The following PDGFD variants were observed in gnomAD, a reference collection of about 807,000 sequenced individuals.
PDGFD encodes platelet-derived growth factor D.
Under a neutral mutation model 44.7 loss-of-function variants are expected in PDGFD, and 30 were observed. The observed-to-expected ratio is 0.67, with a 90% CI of 0.50 to 0.91. PDGFD has a LOEUF of 0.91. PDGFD is among the 40% of genes least tolerant of loss of function. The pLI, the probability that PDGFD is intolerant of heterozygous loss-of-function variation, is 0.00. For missense variants in PDGFD, 445 were observed against 457.8 expected, an observed-to-expected ratio of 0.97 and a Z score of 0.25; for synonymous variants, 173 against 168.4, an observed-to-expected ratio of 1.03 and a Z score of -0.21.
chr11:103,930,902 T>C (rs1234119531), intron 5 of PDGFD, among the ~76,000 whole-genome samples: 1 of 152,256 alleles, frequency 6.6e-6, no homozygotes, highest in Admixed American at 6.5e-5. Flanking sequence ...TTTGGTATTG[T>C]GATAAAACAT....
chr11:103,928,680 CTG>C (rs1858355085), intron 5 of PDGFD, among the ~76,000 whole-genome samples: 1 of 152,180 alleles, frequency 6.6e-6, no homozygotes, highest in Non-Finnish European at 1.5e-5. Flanking sequence ...CAAATAATCA[CTG>C]TGCATAATTT....
intron 3 of PDGFD, among the ~76,000 whole-genome samples, chr11:103,973,349 G>C (rs113765111): frequency 2.0e-5 from 3 of 149,708 alleles, no homozygotes; most frequent in African/African-American, 7.4e-5. Flanking sequence ...AGGTTTCACC[G>C]TGTTAGCCGG....
chr11:104,162,815 T>C (rs1301773270), intron 1 of PDGFD, among the ~76,000 whole-genome samples: 1 of 152,190 alleles, frequency 6.6e-6, no homozygotes, highest in Non-Finnish European at 1.5e-5. Context: ...CTTGATGGTC[T>C]CCTTGGGAGA....
intron 6 of PDGFD, among the ~76,000 whole-genome samples, chr11:103,925,403 A>G (rs1565285808): frequency 2.0e-5 from 3 of 151,794 alleles, no homozygotes; most frequent in African/African-American, 7.3e-5. Context: ...ATTTTAGTTT[A>G]TATTTTAAAA....
intron 1 of PDGFD, among the ~76,000 whole-genome samples, chr11:104,043,662 C>T (rs1860394885): frequency 6.6e-6 from 1 of 152,144 alleles, no homozygotes; most frequent in South Asian, 2.1e-4. Flanking sequence ...AAGCATGACA[C>T]CAGCATCTGC....
rs1280970183 is a variant in PDGFD at position 103,909,528 on chromosome 11, A to G, written c.*166T>C. On this transcript the variant is annotated 3_prime_UTR_variant, in exon 7 of 7. Coordinates refer to ENST00000393158, the MANE Select transcript of PDGFD (RefSeq NM_025208.5). ...ATAGAAGTTGATGATATACCTTTCTACTTGCCATGGCATTAACAAAGCAAG... is the reference window on the plus strand; with the variant it reads ...ATAGAAGTTGATGATATACCTTTCTGCTTGCCATGGCATTAACAAAGCAAG... The G allele has an allele frequency of 1.0e-5, 8 of 768,388 alleles. No individual in the cohort carries two copies. The East Asian group carries it at 1.8e-4, about 17-fold the overall frequency. 47.6% of individuals were successfully genotyped at this position (768,388 alleles called of 1,614,324 possible).
At chr11:104,049,793 C>G (rs1248503376) in intron 1 of PDGFD, among the ~76,000 whole-genome samples, 2 of 152,080 alleles carry the variant, frequency 1.3e-5, no homozygotes, top group African/African-American at 2.4e-5. Context: ...AGGATGAGGT[C>G]TGAGAATTGA....
chr11:104,121,165 T>C (rs1272951075), intron 1 of PDGFD, among the ~76,000 whole-genome samples: 1 of 152,020 alleles, frequency 6.6e-6, no homozygotes, highest in Non-Finnish European at 1.5e-5. Context: ...CCAAACGAAT[T>C]AGATTTTAAA....
chr11:103,955,162 TCAAAAAAAAAAAAAAAAAAAAAAAAAAAA>T (rs1565294186), intron 3 of PDGFD, among the ~76,000 whole-genome samples: 4 of 37,104 alleles, frequency 1.1e-4, no homozygotes, highest in Admixed American at 1.1e-3. Flanking sequence ...AGACTCCGTC[TCAAAAAAAAAAAAAAAAAAAAAAAAAAAA>T]AAAAAAAAAA....
At chr11:104,018,972 C>A (rs757039489) in intron 1 of PDGFD, among the ~76,000 whole-genome samples, 1 of 152,176 alleles carries the variant, frequency 6.6e-6, no homozygotes, top group Non-Finnish European at 1.5e-5. Context: ...GCTCCAAGCA[C>A]TTCCCTGCCT....
At chr11:104,095,946 C>G (rs931167096) in intron 1 of PDGFD, among the ~76,000 whole-genome samples, 2 of 152,102 alleles carry the variant, frequency 1.3e-5, no homozygotes, top group African/African-American at 4.8e-5. Context: ...TATTCCACAG[C>G]CTGTACTTTG....
At chr11:104,080,317 A>T (rs1861027684) in intron 1 of PDGFD, among the ~76,000 whole-genome samples, 1 of 152,178 alleles carries the variant, frequency 6.6e-6, no homozygotes. Context: ...TAAATAAATG[A>T]TGCTAAGAAA....
intron 3 of PDGFD, among the ~76,000 whole-genome samples, chr11:103,965,357 T>C (rs1859001861): frequency 6.6e-6 from 1 of 152,154 alleles, no homozygotes; most frequent in Non-Finnish European, 1.5e-5. Flanking sequence ...ACGTTAGAGG[T>C]CATCTCGTTA....
intron 3 of PDGFD, among the ~76,000 whole-genome samples, chr11:103,959,841 T>C (rs964106140): frequency 2.6e-5 from 4 of 152,212 alleles, no homozygotes; most frequent in Non-Finnish European, 5.9e-5. Flanking sequence ...CAACTTGAAG[T>C]CTTCTCCTCC....
chr11:104,068,650 G>A (rs1860828196), intron 1 of PDGFD, among the ~76,000 whole-genome samples: 1 of 152,138 alleles, frequency 6.6e-6, no homozygotes, highest in African/African-American at 2.4e-5. Context: ...CATTAAAGAT[G>A]TTAATGAGCA....
At chr11:104,041,482 A>C (rs1406992535) in intron 1 of PDGFD, among the ~76,000 whole-genome samples, 1 of 151,024 alleles carries the variant, frequency 6.6e-6, no homozygotes, top group East Asian at 1.9e-4. Flanking sequence ...TTGGAAATTT[A>C]CTACGTGAAA....
rs1857984628 is a variant in PDGFD at position 103,908,980 on chromosome 11, C to T, written c.*714G>A. On this transcript the variant is annotated 3_prime_UTR_variant, in exon 7 of 7. Transcript: ENST00000393158. ...GATAGGTGTTAAATGAATAAGCATG[C>T]CTCAGCAAAATGCATAAAAAACACA... 1 of 152,140 alleles carries T rather than the reference C, an allele frequency of 6.6e-6. No individual in the cohort carries two copies. Among genetic ancestry groups the T allele is most frequent in the African/African-American group, 2.4e-5 (1 of 41,438 alleles). 9.4% of individuals were successfully genotyped at this position (152,140 alleles called of 1,614,324 possible).
At chr11:104,154,778 C>T (rs139378753) in intron 1 of PDGFD, among the ~76,000 whole-genome samples, 2 of 152,314 alleles carry the variant, frequency 1.3e-5, no homozygotes, top group Admixed American at 1.3e-4. Context: ...TATTCAGACA[C>T]AGACTGACCA....
chr11:103,995,599 C>T (rs564109484), intron 3 of PDGFD, among the ~76,000 whole-genome samples: 31 of 152,310 alleles, frequency 2.0e-4, no homozygotes, highest in African/African-American at 7.2e-4. Context: ...GATTATAACA[C>T]AGACCCTTCC....
Sources: gnomAD v4.1 joint callset for allele counts (sites outside exome capture counted in the v4.1 genomes callset) on GRCh38, gnomAD v4.1.1 for gene constraint, MANE v1.5 for transcripts, NCBI Gene and HGNC (gene_info 2026-07-23, HGNC 2026-07-21) for gene names.